The following AIG1 variants were observed in gnomAD, a reference collection of about 807,000 sequenced individuals.
AIG1 encodes the protein androgen-induced gene 1 protein.
AIG1 carries 23 observed loss-of-function variants against 31.4 expected under a neutral mutation model. The observed-to-expected ratio is 0.73, with a 90% CI of 0.53 to 1.04. The LOEUF is 1.04. AIG1 is among the 50% of genes least tolerant of loss of function. The pLI is 0.00. For missense variants in AIG1, 274 were observed against 295.0 expected, an observed-to-expected ratio of 0.93 and a Z score of 0.52; for synonymous variants, 100 against 110.5, an observed-to-expected ratio of 0.90 and a Z score of 0.60.
At chr6:143,147,122 G>A (rs555950669) in intron 2 of AIG1, among the ~76,000 whole-genome samples, 1 of 152,150 alleles carries the variant, frequency 6.6e-6, no homozygotes, top group Non-Finnish European at 1.5e-5. Context: ...GGTAGGCTAC[G>A]TTGGTACTTG....
chr6:143,127,886 C>G (rs1782833487), intron 1 of AIG1, among the ~76,000 whole-genome samples: 6 of 152,116 alleles, frequency 3.9e-5, no homozygotes, highest in Non-Finnish European at 8.8e-5. Flanking sequence ...TGGAGTTTTA[C>G]CATGTTGGCC....
intron 3 of AIG1, among the ~76,000 whole-genome samples, chr6:143,250,783 C>A (rs1794954685): frequency 6.6e-6 from 1 of 152,182 alleles, no homozygotes; most frequent in Non-Finnish European, 1.5e-5. Flanking sequence ...CACCCCAACA[C>A]AAATTTGTAT....
intron 2 of AIG1, among the ~76,000 whole-genome samples, chr6:143,155,013 A>ATTTTTTTTTT (rs61017846): frequency 2.4e-5 from 3 of 123,974 alleles, no homozygotes; most frequent in African/African-American, 2.9e-5. Context: ...ACATCTGGCT[A>ATTTTTTTTTT]TTTTTTTTTT....
At chr6:143,123,273 CTCT>C (rs1195211108) in intron 1 of AIG1, among the ~76,000 whole-genome samples, 37 of 152,138 alleles carry the variant, frequency 2.4e-4, no homozygotes, top group Admixed American at 1.3e-3. Flanking sequence ...GAAATAAAAA[CTCT>C]ACCCACATAG....
chr6:143,290,471 G>A (rs914747430), intron 4 of AIG1, among the ~76,000 whole-genome samples: 6 of 152,326 alleles, frequency 3.9e-5, no homozygotes, highest in East Asian at 1.9e-4. Flanking sequence ...GGAGTTGCGC[G>A]CATGCTCACT....
intron 4 of AIG1, among the ~76,000 whole-genome samples, chr6:143,295,160 C>T (rs1363635260): frequency 1.3e-5 from 2 of 152,134 alleles, no homozygotes; most frequent in Non-Finnish European, 2.9e-5. Flanking sequence ...TCTCTTGGGC[C>T]CACTCCAGGC....
At chr6:143,156,725 A>G (rs1785801159) in intron 2 of AIG1, among the ~76,000 whole-genome samples, 1 of 152,224 alleles carries the variant, frequency 6.6e-6, no homozygotes, top group Non-Finnish European at 1.5e-5. Context: ...AGGGAAGCTC[A>G]CCCATATTGC....
chr6:143,102,334 A>C (rs1262811715), intron 1 of AIG1, among the ~76,000 whole-genome samples: 4 of 150,640 alleles, frequency 2.7e-5, no homozygotes, highest in African/African-American at 9.7e-5. Context: ...AAAAACAAAC[A>C]AAAAAAACAC....
At chr6:143,276,467 G>A (rs570765848) in intron 3 of AIG1, among the ~76,000 whole-genome samples, 31 of 152,264 alleles carry the variant, frequency 2.0e-4, no homozygotes, top group South Asian at 1.7e-3. Flanking sequence ...GAGCATCTCA[G>A]CCTGGTTTGA....
intron 1 of AIG1, among the ~76,000 whole-genome samples, chr6:143,085,000 A>G (rs1778629711): frequency 6.6e-6 from 1 of 152,138 alleles, no homozygotes. Context: ...TTACGGTGGC[A>G]CTTCTCTCAT....
At chr6:143,135,750 C>A (rs181956493) in intron 1 of AIG1, among the ~76,000 whole-genome samples, 1 of 152,288 alleles carries the variant, frequency 6.6e-6, no homozygotes, top group Non-Finnish European at 1.5e-5. Context: ...ATCCACAGAG[C>A]TTTCACAGAC....
intron 3 of AIG1, among the ~76,000 whole-genome samples, chr6:143,251,573 T>C (rs1485656363): frequency 6.6e-6 from 1 of 152,158 alleles, no homozygotes; most frequent in Non-Finnish European, 1.5e-5. Flanking sequence ...GGCTGTAAGC[T>C]CTGGGAGAAC....
In AIG1 at chr6:143,182,014, TTTTTTTTTC is replaced by T. The variant is rs555757422; in HGVS notation, c.399+16846_399+16854del. Among the ~76,000 whole-genome samples, 316 of 151,174 alleles carry T rather than the reference TTTTTTTTTC, an allele frequency of 2.1e-3. 2 individuals carry two copies. The highest frequency in any genetic ancestry group is 7.3e-3 in the African/African-American group (298 of 40,846). On this transcript the variant is annotated intron_variant, in intron 3 of 5. Transcript: ENST00000357847. ...CTCTTTCTCTCACTCTCTCTCTCTC[TTTTTTTTTC>T]TTTTTTTTCTTTTTAAAGACAGAGT...
Position 143,297,876 on chromosome 6 carries a change from C to T in AIG1, c.515+13651C>T, listed in dbSNP as rs1046204945. Among the ~76,000 whole-genome samples, 2 of 151,812 alleles carry T rather than the reference C, an allele frequency of 1.3e-5. No individual in the cohort carries two copies. Among genetic ancestry groups the T allele is most frequent in the African/African-American group, 2.4e-5 (1 of 41,300 alleles). On this transcript the variant is annotated intron_variant, in intron 4 of 5. Coordinates refer to ENST00000357847, the MANE Select transcript of AIG1 (RefSeq NM_016108.4). This position sits in a 1 kb window ranked among gnomAD's most constrained non-coding sequence, Gnocchi z 5.1. ...CTGGTAGCACTTTTATTCTTCCTTGCACAATGACGTATCCTTGGGCTGTGA... is the reference window on the plus strand; with the variant it reads ...CTGGTAGCACTTTTATTCTTCCTTGTACAATGACGTATCCTTGGGCTGTGA...
At chr6:143,070,449 T>A (rs1464776364) in intron 1 of AIG1, among the ~76,000 whole-genome samples, 3 of 151,710 alleles carry the variant, frequency 2.0e-5, no homozygotes, top group African/African-American at 7.3e-5. Context: ...GTATTTTTAA[T>A]TTTTTTTTAG....
chr6:143,229,476 A>T (rs1423201665), intron 3 of AIG1, among the ~76,000 whole-genome samples: 1 of 152,160 alleles, frequency 6.6e-6, no homozygotes, highest in African/African-American at 2.4e-5. Context: ...GTATTATTTT[A>T]TCATGTAATG....
chr6:143,068,113 A>T (rs944637680), intron 1 of AIG1, among the ~76,000 whole-genome samples: 1 of 152,170 alleles, frequency 6.6e-6, no homozygotes, highest in Non-Finnish European at 1.5e-5. Context: ...AAATTACAGA[A>T]AGTCATCTGA....
At position 143,199,253 on chromosome 6, in the gene AIG1, CAT is replaced by C. The variant is rs537147944; in HGVS notation, c.399+34071_399+34072del. On this transcript the variant is annotated intron_variant, in intron 3 of 5. Transcript: ENST00000357847. ...TTAGAATTAATTTTGTTAGGTTTGACATGTGATTAAATTACAAAGCAAAACCT... is the reference window on the plus strand; with the variant it reads ...TTAGAATTAATTTTGTTAGGTTTGACGTGATTAAATTACAAAGCAAAACCT... Among the ~76,000 whole-genome samples the C allele has an allele frequency of 5.8e-3, 876 of 152,204 alleles. 4 individuals carry two copies. The highest frequency in any genetic ancestry group is 8.6e-3 in the Non-Finnish European group (588 of 68,006).
At chr6:143,254,732 G>T (rs1795257822) in intron 3 of AIG1, among the ~76,000 whole-genome samples, 1 of 152,054 alleles carries the variant, frequency 6.6e-6, no homozygotes, top group African/African-American at 2.4e-5. Flanking sequence ...GCCTCTTCTT[G>T]GCCAGGCACA....
Sources: allele counts gnomAD v4.1 joint callset (sites outside exome capture counted in the v4.1 genomes callset), GRCh38; gene constraint gnomAD v4.1.1; non-coding constraint Gnocchi (gnomAD v3.1); transcripts MANE v1.5; gene names NCBI Gene and HGNC (gene_info 2026-07-23, HGNC 2026-07-21).